Variants in ASAP2 observed in about 807,000 individuals in gnomAD.
The protein encoded by ASAP2 is ArfGAP with SH3 domain, ankyrin repeat and PH domain 2, also known as arf-GAP with SH3 domain, ANK repeat and PH domain-containing protein 2.
ASAP2 carries 45 observed loss-of-function variants against 131.4 expected under a neutral mutation model. The ratio of observed to expected loss-of-function variants is 0.34; its 90% CI spans 0.27 to 0.44. ASAP2 has a LOEUF of 0.44. Among genes scored for constraint, ASAP2 ranks in the 20% least tolerant of loss-of-function variants. ASAP2 has a pLI of 1.00. For missense variants in ASAP2, 1,011 were observed against 1,297.0 expected (o/e 0.78, Z 3.39); for synonymous variants, 510 against 503.0 (o/e 1.01, Z -0.19).
At chr2:9,373,071 T>C (rs1286965016) in intron 16 of ASAP2, among the ~76,000 whole-genome samples, 2 of 151,878 alleles carry the variant, frequency 1.3e-5, no homozygotes, top group African/African-American at 4.8e-5. Flanking sequence ...CACACACAAG[T>C]CAGCCAGCAC....
At chr2:9,374,657 C>A in intron 16 of ASAP2, 98 bp from the exon 17 acceptor site, 1 of 1,194,196 alleles carries the variant, frequency 8.4e-7, no homozygotes, top group Non-Finnish European at 1.2e-6. Flanking sequence ...TTACCAGGGA[C>A]ATGGCGCAGG....
intron 1 of ASAP2, among the ~76,000 whole-genome samples, chr2:9,237,163 T>TA (rs944478737): frequency 6.6e-6 from 1 of 151,532 alleles, no homozygotes; most frequent in Non-Finnish European, 1.5e-5. Context: ...GAAGCTTTTT[T>TA]AAAAAAAGAG....
At chr2:9,231,736 C>T (rs949826874) in intron 1 of ASAP2, among the ~76,000 whole-genome samples, 3 of 152,312 alleles carry the variant, frequency 2.0e-5, no homozygotes, top group Middle Eastern at 3.4e-3. Context: ...CTAGTTGGAG[C>T]CCTTGTGCCA....
intron 1 of ASAP2, among the ~76,000 whole-genome samples, chr2:9,244,345 A>AC (rs1458734115): frequency 9.2e-5 from 14 of 152,246 alleles, no homozygotes; most frequent in Non-Finnish European, 1.9e-4. Flanking sequence ...TTTCCACCAT[A>AC]CAGTACCTTA....
intron 9 of ASAP2, among the ~76,000 whole-genome samples, chr2:9,341,121 T>C (rs1267688067): frequency 2.0e-5 from 3 of 152,190 alleles, no homozygotes; most frequent in African/African-American, 7.2e-5. Flanking sequence ...TTACTTTTTA[T>C]GTTATTCTTC....
intron 2 of ASAP2, among the ~76,000 whole-genome samples, chr2:9,285,821 C>T (rs1420668231): frequency 1.3e-5 from 2 of 152,194 alleles, no homozygotes; most frequent in Non-Finnish European, 2.9e-5. Context: ...TTCCTACCCT[C>T]AATCAGAATA....
At chr2:9,313,139 G>A (rs896284482) in intron 3 of ASAP2, among the ~76,000 whole-genome samples, 1 of 152,182 alleles carries the variant, frequency 6.6e-6, no homozygotes, top group African/African-American at 2.4e-5. Context: ...CCAGCATCCA[G>A]AGGTCACACT....
chr2:9,333,340 T>C (rs1033694363), intron 7 of ASAP2, among the ~76,000 whole-genome samples: 4 of 152,234 alleles, frequency 2.6e-5, no homozygotes, highest in Non-Finnish European at 5.9e-5. Context: ...GGGAATTCTG[T>C]TTTAAACAAT....
chr2:9,361,268 G>A (rs559843672), intron 15 of ASAP2, among the ~76,000 whole-genome samples: 1 of 152,166 alleles, frequency 6.6e-6, no homozygotes, highest in Non-Finnish European at 1.5e-5. Flanking sequence ...AGGAAAAGTA[G>A]AGACAGCAGT....
intron 2 of ASAP2, among the ~76,000 whole-genome samples, chr2:9,290,703 G>A (rs1667756900): frequency 6.6e-6 from 1 of 152,228 alleles, no homozygotes; most frequent in South Asian, 2.1e-4. Context: ...CAGGATCTCA[G>A]TATCTTTATA....
chr2:9,351,020 A>G (rs1030998423), intron 12 of ASAP2, 125 bp downstream of exon 12: 8 of 671,138 alleles, frequency 1.2e-5, no homozygotes, highest in Admixed American at 6.2e-5. Flanking sequence ...CCCTTTTTCT[A>G]GTGATATGCG....
At chr2:9,391,252 G>A (rs192172589) in intron 23 of ASAP2, 56 bp downstream of exon 23, 39 of 1,561,468 alleles carry the variant, frequency 2.5e-5, no homozygotes, top group Admixed American at 3.6e-5. Flanking sequence ...TCTGGATGGC[G>A]GGGGGTGCTC....
intron 5 of ASAP2, among the ~76,000 whole-genome samples, chr2:9,321,781 C>T (rs1174510617): frequency 6.6e-6 from 1 of 152,046 alleles, no homozygotes; most frequent in Non-Finnish European, 1.5e-5. Context: ...TCTGTAAAAT[C>T]GAGACACACA....
At chr2:9,314,283 C>G (rs970279953) in intron 3 of ASAP2, among the ~76,000 whole-genome samples, 1 of 152,214 alleles carries the variant, frequency 6.6e-6, no homozygotes, top group Non-Finnish European at 1.5e-5. Flanking sequence ...CACACTCAGC[C>G]TCCTTTGTAA....
chr2:9,403,136 G>A lies in ASAP2; in HGVS notation c.2947-117G>A, dbSNP rs1053264614. 2.4e-5 allele frequency: 19 copies of A among 778,372 alleles called. No individual in the cohort carries two copies. The Admixed American group carries it at 2.6e-4, about 11-fold the overall frequency. The allele number at this position is 778,372 out of a possible 1,614,324, so 48.2% of individuals were successfully genotyped here. ...TGTTTTACCTAAGTAATTCCTTGTC[G>A]GAAGAGTCTTCTGAACCAATCTTGC... On this transcript the variant is annotated intron_variant, in intron 27 of 27. Transcript: ENST00000281419.
At chr2:9,307,910 G>T (rs1301932440) in intron 3 of ASAP2, among the ~76,000 whole-genome samples, 2 of 152,198 alleles carry the variant, frequency 1.3e-5, no homozygotes, top group Non-Finnish European at 2.9e-5. Context: ...CCCTGTGTGA[G>T]AGTGCATAGA....
intron 9 of ASAP2, among the ~76,000 whole-genome samples, chr2:9,340,397 C>T (rs910898765): frequency 2.0e-5 from 3 of 152,242 alleles, no homozygotes; most frequent in Non-Finnish European, 4.4e-5. Context: ...GCATCAGAGC[C>T]AGGATTTGAC....
At chr2:9,370,781 C>G (rs900293770) in intron 16 of ASAP2, among the ~76,000 whole-genome samples, 1 of 152,160 alleles carries the variant, frequency 6.6e-6, no homozygotes, top group Non-Finnish European at 1.5e-5. Flanking sequence ...AATGAGGTTC[C>G]TCTCCAGTTA....
intron 12 of ASAP2, 117 bp from the exon 13 acceptor site, chr2:9,355,930 G>A: frequency 1.6e-6 from 2 of 1,274,152 alleles, no homozygotes; most frequent in Non-Finnish European, 2.3e-6. Context: ...ATACAAATCA[G>A]TAATTTCGTA....
Sources: gnomAD v4.1 joint callset for allele counts (sites outside exome capture counted in the v4.1 genomes callset) on GRCh38, gnomAD v4.1.1 for gene constraint, MANE v1.5 for transcripts, NCBI Gene and HGNC (gene_info 2026-07-23, HGNC 2026-07-21) for gene names.